The following LTBP2 variants were observed in gnomAD, a reference collection of about 807,000 sequenced individuals.
LTBP2 encodes latent transforming growth factor beta binding protein 2.
LTBP2 carries 103 observed loss-of-function variants against 210.6 expected under a neutral mutation model. The observed-to-expected ratio is 0.49, with a 90% CI of 0.42 to 0.58. LTBP2 has a LOEUF of 0.58. Ranked by LOEUF, LTBP2 falls within the 20% of genes least tolerant of loss-of-function variation. The pLI is 0.00. For missense variants in LTBP2, 2,313 were observed against 2,494.5 expected (o/e 0.93, Z 1.55); for synonymous variants, 1,007 against 1,015.0 (o/e 0.99, Z 0.15).
At chr14:74,570,674 G>T in intron 3 of LTBP2, among the ~76,000 whole-genome samples, 1 of 152,090 alleles carries the variant, frequency 6.6e-6, no homozygotes, top group East Asian at 1.9e-4. Context: ...TATGATACAG[G>T]AACTAGTGTC....
At chr14:74,579,184 G>A (rs906272722) in intron 3 of LTBP2, among the ~76,000 whole-genome samples, 7 of 152,146 alleles carry the variant, frequency 4.6e-5, no homozygotes, top group African/African-American at 7.2e-5. Context: ...ATTCTGCCTC[G>A]TCACTGGGAA....
chr14:74,593,859 G>T (rs1447623286), intron 2 of LTBP2, among the ~76,000 whole-genome samples: 1 of 152,060 alleles, frequency 6.6e-6, no homozygotes, highest in Non-Finnish European at 1.5e-5. Flanking sequence ...CCCAGGAAAG[G>T]GCAATGTCAA....
rs67321882 is a variant in LTBP2, at chr14:74,543,503, A to AGCCT, written c.1789+6356_1789+6359dup. Among the ~76,000 whole-genome samples, 16 of 125,516 alleles carry AGCCT rather than the reference A, an allele frequency of 1.3e-4. 2 individuals are homozygous for AGCCT. Among genetic ancestry groups the AGCCT allele is most frequent in the African/African-American group, 5.2e-4 (15 of 28,986 alleles). The allele number at this position is 125,516 out of a possible 152,430, so 82.3% of individuals were successfully genotyped here. On this transcript the variant is annotated intron_variant, in intron 8 of 35. Coordinates refer to ENST00000261978, the MANE Select transcript of LTBP2 (RefSeq NM_000428.3). ...CAGATGCATGGCACAAACCCTATAG[A>AGCCT]GCCTGCCTGCCTGCCTGCCTGCCTT...
Position 74,612,148 on chromosome 14 carries a change from T to C in LTBP2, c.-204A>G. The stretch of plus-strand genomic sequence containing the variant: ...CCGAGCCTCGAGTCCGCGCTCCTAC[T>C]CCAGCTGGGCTCGCACGGCTGCTGC... On this transcript the variant is annotated 5_prime_UTR_variant, in exon 1 of 36. Transcript: ENST00000261978. 1 of 537,146 alleles carries C rather than the reference T, an allele frequency of 1.9e-6. No individual in the cohort carries two copies. The highest frequency in any genetic ancestry group is 3.2e-6 in the Non-Finnish European group (1 of 316,560). The allele number at this position is 537,146 out of a possible 1,614,324, so 33.3% of individuals were successfully genotyped here.
chr14:74,535,875 G>C (rs2087414140), intron 9 of LTBP2, 51 bp downstream of exon 9: 1 of 1,511,344 alleles, frequency 6.6e-7, no homozygotes, highest in Admixed American at 1.7e-5. Flanking sequence ...GTCTGGTGCT[G>C]GGAGTGTGCC....
At chr14:74,569,049 G>A (rs560199801) in intron 3 of LTBP2, among the ~76,000 whole-genome samples, 1 of 152,224 alleles carries the variant, frequency 6.6e-6, no homozygotes, top group African/African-American at 2.4e-5. Flanking sequence ...CCCAAGGGCT[G>A]GGTGTGCTGT....
intron 10 of LTBP2, among the ~76,000 whole-genome samples, chr14:74,530,813 C>T (rs982522525): frequency 1.3e-5 from 2 of 152,222 alleles, no homozygotes; most frequent in African/African-American, 4.8e-5. Flanking sequence ...CGGGGCCCAG[C>T]CCCAGCGAAT....
Position 74,509,749 on chromosome 14 carries a change from C to A in LTBP2, c.3262G>T (p.Gly1088Cys), listed in dbSNP as rs61505039. ...CCAGGGTTACCTTCACAGGCAGTGC[C>A]GTCTTCATTCACCCAGTACCCGTTC... ...CENGYWVNED[G>C]TACEDLDECA... The change falls in exon 21 of 36, where the codon GGC becomes TGC. Residue 1088 changes from glycine to cysteine, a missense_variant. Gly to Cys is a radical substitution (Grantham distance 159, BLOSUM62 -3). Coordinates refer to ENST00000261978, the MANE Select transcript of LTBP2 (RefSeq NM_000428.3). 6.2e-7 allele frequency: 1 copy of A among 1,613,980 alleles called. No individual in the cohort carries two copies. The highest frequency in any genetic ancestry group is 1.7e-5 in the Admixed American group (1 of 60,006).
At chr14:74,547,856 T>A (rs2087597481) in intron 8 of LTBP2, among the ~76,000 whole-genome samples, 2 of 152,106 alleles carry the variant, frequency 1.3e-5, no homozygotes, top group South Asian at 4.1e-4. Context: ...GAGCAGGGAC[T>A]TGGGAGCCCT....
At chr14:74,501,362 C>T in intron 35 of LTBP2, 79 bp downstream of exon 35, 1 of 1,603,612 alleles carries the variant, frequency 6.2e-7, no homozygotes, top group South Asian at 1.1e-5. Flanking sequence ...GCAGCAGTGG[C>T]TCTTCCAGCC....
intron 1 of LTBP2, among the ~76,000 whole-genome samples, chr14:74,610,280 G>A (rs1442098233): frequency 6.6e-6 from 1 of 152,194 alleles, no homozygotes; most frequent in Non-Finnish European, 1.5e-5. Context: ...AGAGGATGGG[G>A]CACGGGTGGC....
intron 34 of LTBP2, 108 bp from the exon 35 acceptor site, chr14:74,501,698 G>A: frequency 7.3e-7 from 1 of 1,375,804 alleles, no homozygotes; most frequent in Non-Finnish European, 1.0e-6. Flanking sequence ...GTGGAACTGT[G>A]GGGGTGGGGG....
At chr14:74,576,646 G>A (rs935785268) in intron 3 of LTBP2, among the ~76,000 whole-genome samples, 31 of 151,434 alleles carry the variant, frequency 2.0e-4, no homozygotes, top group African/African-American at 6.8e-4. Context: ...CAACTCTTGG[G>A]GTACCTGTCA....
chr14:74,604,164 C>CAAACAAAAAAAAAAAAAAAAAAAAAAAAA (rs1273987376), intron 1 of LTBP2, among the ~76,000 whole-genome samples: 4 of 72,748 alleles, frequency 5.5e-5, no homozygotes, highest in African/African-American at 3.0e-4. Flanking sequence ...TGCCTCTCAC[C>CAAACAAAAAAAAAAAAAAAAAAAAAAAAA]AAAAAAAAAA....
rs35412803 is a variant in LTBP2 at position 74,542,769 on chromosome 14, A to ATTT, written c.1790-6772_1790-6770dup. ...CACATTTCTTAACCTCTCAGCCTGAATTTTTTTTTTTTTTTTGAGATGGAG... is the reference window on the plus strand; with the variant it reads ...CACATTTCTTAACCTCTCAGCCTGAATTTTTTTTTTTTTTTTTTTGAGATGGAG... On this transcript the variant is annotated intron_variant, in intron 8 of 35. Transcript: ENST00000261978. Among the ~76,000 whole-genome samples, 407 of 142,486 alleles carry ATTT rather than the reference A, an allele frequency of 2.9e-3. 3 individuals are homozygous for ATTT. The highest frequency in any genetic ancestry group is 3.9e-3 in the Non-Finnish European group (257 of 65,784). The allele number at this position is 142,486 out of a possible 152,430, so 93.5% of individuals were successfully genotyped here. A position where few individuals can be genotyped will look rare whatever the true frequency, so the allele number is the denominator to read the frequency against.
chr14:74,579,798 C>A (rs2088112648), intron 3 of LTBP2, among the ~76,000 whole-genome samples: 1 of 152,252 alleles, frequency 6.6e-6, no homozygotes, highest in Non-Finnish European at 1.5e-5. Context: ...CCTCCCCTCT[C>A]TGAGCCTCTC....
At chr14:74,574,994 C>A (rs1566645862) in intron 3 of LTBP2, among the ~76,000 whole-genome samples, 1 of 152,208 alleles carries the variant, frequency 6.6e-6, no homozygotes, top group Non-Finnish European at 1.5e-5. Context: ...CCTCACCAAC[C>A]CAGAGATGTC....
In LTBP2 at chr14:74,502,726, C is replaced by T. The variant is rs139458244; in HGVS notation, c.5097G>A (p.Ala1699=). 9.3e-5 allele frequency: 150 copies of T among 1,614,186 alleles called. No homozygotes were observed. The highest frequency in any genetic ancestry group is 6.6e-4 in the Middle Eastern group (4 of 6,062). Residue 1699 remains alanine, a synonymous_variant, in exon 34 of 36, where the codon GCG becomes GCA. Transcript: ENST00000261978. ...PAFPNTAGHS[A]DRTPILESPL... is the part of the protein sequence containing the mutation. Reference sequence around the variant, plus strand: ...GAGACTCAAGGATGGGTGTGCGGTCCGCTGAGTGACCGGCTGTGTTGGGGA... The same window carrying T: ...GAGACTCAAGGATGGGTGTGCGGTCTGCTGAGTGACCGGCTGTGTTGGGGA...
At chr14:74,569,369 A>G (rs1176511356) in intron 3 of LTBP2, among the ~76,000 whole-genome samples, 1 of 152,150 alleles carries the variant, frequency 6.6e-6, no homozygotes, top group Non-Finnish European at 1.5e-5. Flanking sequence ...CTGGCTTACC[A>G]CTTGGAATGT....
Sources: gnomAD v4.1 joint callset for allele counts (sites outside exome capture counted in the v4.1 genomes callset) on GRCh38, gnomAD v4.1.1 for gene constraint, MANE v1.5 for transcripts, NCBI Gene and HGNC (gene_info 2026-07-23, HGNC 2026-07-21) for gene names.